The following NFAM1 variants were observed in gnomAD, a reference collection of about 807,000 sequenced individuals.
NFAM1 encodes NFAT activating protein with ITAM motif 1.
NFAM1 carries 17 observed loss-of-function variants against 29.0 expected under a neutral mutation model. The ratio of observed to expected loss-of-function variants is 0.59; its 90% CI spans 0.40 to 0.88. NFAM1 has a LOEUF of 0.88. NFAM1 is among the 40% of genes least tolerant of loss of function. NFAM1 has a pLI of 0.00. For missense variants in NFAM1, 324 were observed against 344.6 expected, an observed-to-expected ratio of 0.94 and a Z score of 0.47; for synonymous variants, 175 against 147.2, an observed-to-expected ratio of 1.19 and a Z score of -1.36.
At position 42,411,687 on chromosome 22, in the gene NFAM1, G is replaced by A; in HGVS notation, c.171C>T (p.Ala57=). Residue 57 remains alanine, a synonymous_variant, in exon 2 of 6, where the codon GCC becomes GCT. Transcript: ENST00000329021. ...TGCAGCTGAAGGAGATAGCTGTGTT[G>A]GCCAGGGAGGCCATGATGGGCAGGC... The part of the protein sequence containing the change: ...HTGLPIMASL[A]NTAISFSCRI... 4 of 1,614,128 alleles carry A rather than the reference G, an allele frequency of 2.5e-6. No individual in the cohort carries two copies. The highest frequency in any genetic ancestry group is 3.4e-6 in the Non-Finnish European group (4 of 1,179,952).
In NFAM1 at chr22:42,411,460, A is replaced by G; in HGVS notation, c.398T>C (p.Val133Ala). ...ASATGTYYCS[V>A]HWPHSTVRGS... is the part of the protein sequence containing the mutation. ...TCTCACCGTGGAGTGTGGCCAGTGG[A>G]CAGAGCAGTAGTAGGTGCCAGTGGC... is the stretch of plus-strand genomic sequence containing the variant. Residue 133 changes from valine to alanine, a missense_variant, in exon 2 of 6, where the codon GTC becomes GCC. Val to Ala is a moderately conservative substitution (Grantham distance 64). Coordinates refer to ENST00000329021, the MANE Select transcript of NFAM1 (RefSeq NM_145912.8). The G allele has an allele frequency of 6.2e-7, 1 of 1,614,140 alleles. No individual in the cohort carries two copies. Among genetic ancestry groups the G allele is most frequent in the African/African-American group, 1.3e-5 (1 of 75,026 alleles).
upstream of NFAM1, among the ~76,000 whole-genome samples, chr22:42,434,592 C>T (rs922341803): frequency 1.3e-5 from 2 of 152,188 alleles, no homozygotes; most frequent in Non-Finnish European, 2.9e-5. Context: ...TGATCCTCCT[C>T]GGGAGCCAGG....
At chr22:42,415,151 C>T (rs934332692) in intron 1 of NFAM1, among the ~76,000 whole-genome samples, 11 of 152,034 alleles carry the variant, frequency 7.2e-5, no homozygotes, top group African/African-American at 2.7e-4. Flanking sequence ...CAGTCAATAA[C>T]AACGTCCAGT....
At position 42,416,747 on chromosome 22, in the gene NFAM1, C is replaced by T. The variant is rs144624586; in HGVS notation, c.122-5011G>A. On this transcript the variant is annotated intron_variant, in intron 1 of 5. Transcript: ENST00000329021. The stretch of plus-strand genomic sequence containing the variant: ...TATTCCCTGAGTGAGGGCACTCGGC[C>T]GCTATCTATCTCATGCCAGGGCGTG... Among the ~76,000 whole-genome samples the T allele has an allele frequency of 9.7e-3, 1,478 of 152,282 alleles. 34 individuals carry two copies. The highest frequency in any genetic ancestry group is 0.034 in the African/African-American group (1,396 of 41,562).
chr22:42,389,559 T>C (rs575748782), intron 4 of NFAM1, among the ~76,000 whole-genome samples: 2 of 151,948 alleles, frequency 1.3e-5, no homozygotes, highest in South Asian at 2.1e-4. Context: ...TGCTGGGAGA[T>C]TGCACAGGCC....
chr22:42,381,363 G>A lies in NFAM1; in HGVS notation c.*3798C>T, dbSNP rs1199856206. On this transcript the variant is annotated 3_prime_UTR_variant, in exon 6 of 6. Coordinates refer to ENST00000329021, the MANE Select transcript of NFAM1 (RefSeq NM_145912.8). The stretch of plus-strand genomic sequence containing the variant: ...GTTGGAGGCTGAAACCCATTGAAGG[G>A]GTCAACTTCCTAGAGGCAGGCAGGG... 6.5e-6 allele frequency: 1 copy of A among 152,968 alleles called. No individual in the cohort carries two copies. The highest frequency in any genetic ancestry group is 1.5e-5 in the Non-Finnish European group (1 of 68,128). 9.5% of individuals were successfully genotyped at this position (152,968 alleles called of 1,614,324 possible). A position where few individuals can be genotyped will look rare whatever the true frequency, so the allele number is the denominator to read the frequency against.
Position 42,409,333 on chromosome 22 carries a change from G to A in NFAM1, c.564+102C>T. ...AGGGCCACCTGTTACAGATGTGGAT[G>A]TGCCCTCACCAGGGCCCACCAAACG... On this transcript the variant is annotated intron_variant, in intron 3 of 5. Transcript: ENST00000329021. The surrounding 1 kb of genome is among the most constrained non-coding windows in gnomAD (Gnocchi z 4.9). The A allele has an allele frequency of 1.8e-6, 1 of 555,084 alleles. No individual in the cohort carries two copies. The highest frequency in any genetic ancestry group is 3.2e-6 in the Non-Finnish European group (1 of 315,334). The allele number at this position is 555,084 out of a possible 1,614,324, so 34.4% of individuals were successfully genotyped here.
upstream of NFAM1, among the ~76,000 whole-genome samples, chr22:42,432,748 C>A (rs904679879): frequency 1.3e-5 from 2 of 152,212 alleles, no homozygotes; most frequent in Non-Finnish European, 2.9e-5. Flanking sequence ...TTTAAAACGA[C>A]CACAAGCATG....
intron 1 of NFAM1, among the ~76,000 whole-genome samples, chr22:42,423,040 G>A (rs1405323849): frequency 7.1e-6 from 1 of 141,668 alleles, no homozygotes; most frequent in East Asian, 2.1e-4. Flanking sequence ...TTGAACCTGC[G>A]AGGCAGAGAT....
chr22:42,412,033 G>A (rs1930112506), intron 1 of NFAM1, among the ~76,000 whole-genome samples: 1 of 152,184 alleles, frequency 6.6e-6, no homozygotes, highest in Admixed American at 6.5e-5. Context: ...AGGAGTTTGA[G>A]ACCAGCCTGG....
Position 42,411,682 on chromosome 22 carries a change from G to A in NFAM1, c.176C>T (p.Thr59Ile), listed in dbSNP as rs1258327537. 1 of 1,614,094 alleles carries A rather than the reference G, an allele frequency of 6.2e-7. No individual in the cohort carries two copies. Among genetic ancestry groups the A allele is most frequent in the South Asian group, 1.1e-5 (1 of 91,088 alleles). The part of the protein sequence containing the change: ...GLPIMASLAN[T>I]AISFSCRITY... ...GATCCTGCAGCTGAAGGAGATAGCTGTGTTGGCCAGGGAGGCCATGATGGG... is the reference window on the plus strand; with the variant it reads ...GATCCTGCAGCTGAAGGAGATAGCTATGTTGGCCAGGGAGGCCATGATGGG... The change falls in exon 2 of 6, where the codon ACA (threonine) becomes ATA (isoleucine). Residue 59 changes from threonine (T) to isoleucine (I), a missense_variant. By Grantham distance (89) the Thr-to-Ile change is moderately conservative. Coordinates refer to ENST00000329021, the MANE Select transcript of NFAM1 (RefSeq NM_145912.8).
At chr22:42,400,191 G>A (rs1047944099) in intron 3 of NFAM1, among the ~76,000 whole-genome samples, 2 of 152,238 alleles carry the variant, frequency 1.3e-5, no homozygotes, top group African/African-American at 4.8e-5. Context: ...GTTAGAACGT[G>A]TGAGCCTCAC....
At chr22:42,392,174 A>G (rs749219599) in intron 4 of NFAM1, among the ~76,000 whole-genome samples, 27 of 149,752 alleles carry the variant, frequency 1.8e-4, no homozygotes, top group Non-Finnish European at 3.9e-4. Flanking sequence ...CATTTACTCC[A>G]ATCTTTACAG....
At chr22:42,411,370 G>C in intron 2 of NFAM1, 37 bp downstream of exon 2, 1 of 1,524,722 alleles carries the variant, frequency 6.6e-7, no homozygotes, top group South Asian at 1.1e-5. Context: ...AAACCTCTGT[G>C]TCCTTTGCCC....
chr22:42,418,976 C>T (rs1930347505), intron 1 of NFAM1, among the ~76,000 whole-genome samples: 1 of 152,186 alleles, frequency 6.6e-6, no homozygotes, highest in Non-Finnish European at 1.5e-5. Flanking sequence ...GTTTGTCAAC[C>T]GCCCACGGGT....
At chr22:42,413,604 C>T (rs902551705) in intron 1 of NFAM1, among the ~76,000 whole-genome samples, 1 of 151,678 alleles carries the variant, frequency 6.6e-6, no homozygotes, top group Admixed American at 6.6e-5. Context: ...GGTGAAACCC[C>T]GCCTCTACTA....
chr22:42,424,171 T>G (rs1430864309), intron 1 of NFAM1, among the ~76,000 whole-genome samples: 1 of 151,462 alleles, frequency 6.6e-6, no homozygotes, highest in Non-Finnish European at 1.5e-5. Context: ...ATCCCAGCAC[T>G]TTGGGAGGCC....
the NFAM1 span, among the ~76,000 whole-genome samples, chr22:42,437,636 G>A: frequency 4.1e-4 from 62 of 152,310 alleles, no homozygotes; most frequent in Middle Eastern, 3.4e-3. Context: ...CGGCCCCAGG[G>A]TTGGCCTGTG....
intron 1 of NFAM1, among the ~76,000 whole-genome samples, chr22:42,422,866 G>C (rs1406129908): frequency 6.6e-6 from 1 of 152,086 alleles, no homozygotes; most frequent in Non-Finnish European, 1.5e-5. Context: ...TGTAATCCTA[G>C]CACTTTGGGA....
Sources: allele counts gnomAD v4.1 joint callset (sites outside exome capture counted in the v4.1 genomes callset), GRCh38; gene constraint gnomAD v4.1.1; non-coding constraint Gnocchi (gnomAD v3.1); transcripts MANE v1.5; gene names NCBI Gene and HGNC (gene_info 2026-07-23, HGNC 2026-07-21).